POU5F1: variants seen among roughly 807,000 people sequenced by gnomAD.
POU5F1 encodes POU domain, class 5, transcription factor 1.
POU5F1 carries 6 observed loss-of-function variants against 38.3 expected under a neutral mutation model. The observed-to-expected ratio is 0.16, with a 90% CI of 0.09 to 0.31. POU5F1 has a LOEUF of 0.31. Ranked by LOEUF, POU5F1 falls within the 10% of genes least tolerant of loss-of-function variation. The probability of loss-of-function intolerance (pLI) is 1.00; values close to 1 mark genes in which losing one functional copy is unlikely to be tolerated. For synonymous variants in POU5F1, 147 were observed against 194.9 expected (o/e 0.75, Z 2.05); for missense variants, 286 against 462.6 (o/e 0.62, Z 3.50).
Position 31,170,296 on chromosome 6 carries a change from C to T in POU5F1, c.325G>A (p.Gly109Arg), listed in dbSNP as rs1290282697. The T allele has an allele frequency of 6.2e-7, 1 of 1,612,832 alleles. No individual in the cohort carries two copies. Among genetic ancestry groups the T allele is most frequent in the South Asian group, 1.1e-5 (1 of 91,070 alleles). ...AGVGVESNSD[G>R]ASPEPCTVTP... ...ACGGTGCAGGGCTCCGGGGAGGCCCCATCGGAGTTGCTCTCCACCCCGACT... is the reference window on the plus strand; with the variant it reads ...ACGGTGCAGGGCTCCGGGGAGGCCCTATCGGAGTTGCTCTCCACCCCGACT... The change falls in exon 1 of 5, where the codon GGG becomes AGG. Residue 109 changes from glycine (G) to arginine (R), a missense_variant. By Grantham distance (125) the Gly-to-Arg change is moderately radical (BLOSUM62 -2). This residue lies in a region of POU5F1 where 176 missense variants were observed against 184.8 expected (regional missense o/e 0.95). Transcript: ENST00000259915.
In POU5F1 at chr6:31,170,489, C is replaced by G; in HGVS notation, c.132G>C (p.Gly44=). ...GCCCAACCCCCGGCCCGATTCCTGG[C>G]CCTCCAGGAGGGCCTTGGAAGCTTA... The part of the protein sequence containing the change: ...TWLSFQGPPG[G]PGIGPGVGPG... The change falls in exon 1 of 5, where the codon GGG becomes GGC. Residue 44 remains glycine, a synonymous_variant. Transcript: ENST00000259915. 1 of 1,601,140 alleles carries G rather than the reference C, an allele frequency of 6.2e-7. No homozygotes were observed. Among genetic ancestry groups the G allele is most frequent in the South Asian group, 1.1e-5 (1 of 89,598 alleles).
At chr6:31,166,814 T>C (rs11965454) in intron 1 of POU5F1, 46,679 of 1,187,126 alleles carry the variant, frequency 0.039, 1,760 homozygotes, top group East Asian at 0.18. Context: ...TCTCAGAAGC[T>C]AAATTCAGTA....
At position 31,164,812 on chromosome 6, in the gene POU5F1, T is replaced by C; in HGVS notation, c.872A>G (p.Asp291Gly). ...CTCAAAATCCTCTCGTTGTGCATAGTCGCTGCTTGATCGCTTGCCCTTCTG... is the reference window on the plus strand; with the variant it reads ...CTCAAAATCCTCTCGTTGTGCATAGCCGCTGCTTGATCGCTTGCCCTTCTG... ...RRQKGKRSSS[D>G]YAQREDFEAA... Residue 291 changes from aspartate (D) to glycine (G), a missense_variant, in exon 5 of 5, where the codon GAC (aspartate) becomes GGC (glycine). This residue lies in a region of POU5F1 where 110 missense variants were observed against 277.8 expected (regional missense o/e 0.40). Transcript: ENST00000259915. 6.2e-7 allele frequency: 1 copy of C among 1,612,860 alleles called. No individual in the cohort carries two copies. Among genetic ancestry groups the C allele is most frequent in the Non-Finnish European group, 8.5e-7 (1 of 1,179,542 alleles).
chr6:31,169,303 C>T (rs1346570184), intron 1 of POU5F1, among the ~76,000 whole-genome samples: 2 of 152,146 alleles, frequency 1.3e-5, no homozygotes, highest in East Asian at 1.9e-4. Context: ...TGGGGCTTCT[C>T]GGTCACTCCA....
chr6:31,165,192 T>C lies in POU5F1; in HGVS notation c.752A>G (p.Gln251Arg). ...CTGCTGCAGTGTGGGTTTCGGGCAC[T>C]GCAGGAACAAATTCTCCAGGTTGCC... is the stretch of plus-strand genomic sequence containing the variant. ...VRGNLENLFL[Q>R]CPKPTLQQIS... The change falls in exon 4 of 5, where the codon CAG becomes CGG. Residue 251 changes from glutamine to arginine, a missense_variant. Gln to Arg is a conservative substitution (Grantham distance 43). Around this residue, in one of 2 missense-constraint regions of POU5F1, gnomAD observed 110 missense variants for 277.8 expected, o/e 0.40. Coordinates refer to ENST00000259915, the MANE Select transcript of POU5F1 (RefSeq NM_002701.6). The surrounding 1 kb of genome is among the most constrained non-coding windows in gnomAD (Gnocchi z 6.5). The C allele has an allele frequency of 6.2e-7, 1 of 1,609,834 alleles. No individual in the cohort carries two copies. Among genetic ancestry groups the C allele is most frequent in the South Asian group, 1.1e-5 (1 of 90,402 alleles).
intron 1 of POU5F1, chr6:31,166,606 C>G: frequency 1.8e-6 from 2 of 1,086,372 alleles, no homozygotes; most frequent in South Asian, 3.4e-5. Context: ...TTGCAGTGAG[C>G]TGAGATCACG....
chr6:31,167,859 C>A (rs1203458531), intron 1 of POU5F1, among the ~76,000 whole-genome samples: 3 of 152,162 alleles, frequency 2.0e-5, no homozygotes, highest in African/African-American at 7.2e-5. Context: ...GTGGGCCTTC[C>A]AGAGCCCAAA....
In POU5F1 at chr6:31,165,944, G is replaced by C. The variant is rs910240285; in HGVS notation, c.509C>G (p.Thr170Ser). ...LGYTQADVGL[T>S]LGVLFGKVFS... Reference sequence around the variant, plus strand: ...GAACCCACCAAATAGAACCCCCAGGGTGAGCCCCACATCGGCCTGTGTATA... The same window carrying C: ...GAACCCACCAAATAGAACCCCCAGGCTGAGCCCCACATCGGCCTGTGTATA... Residue 170 changes from threonine to serine, a missense_variant, in exon 2 of 5, where the codon ACC (threonine) becomes AGC (serine). This residue lies in a region of POU5F1 where 110 missense variants were observed against 277.8 expected (regional missense o/e 0.40). Coordinates refer to ENST00000259915, the MANE Select transcript of POU5F1 (RefSeq NM_002701.6). The surrounding 1 kb of genome is among the most constrained non-coding windows in gnomAD (Gnocchi z 6.5). The C allele has an allele frequency of 9.9e-6, 16 of 1,614,098 alleles. No homozygotes were observed. The highest frequency in any genetic ancestry group is 1.4e-5 in the Non-Finnish European group (16 of 1,180,016).
chr6:31,170,461 C>G lies in POU5F1; in HGVS notation c.160G>C (p.Gly54Arg). 1 of 1,608,672 alleles carries G rather than the reference C, an allele frequency of 6.2e-7. No individual in the cohort carries two copies. Among genetic ancestry groups the G allele is most frequent in the Non-Finnish European group, 8.5e-7 (1 of 1,178,322 alleles). ...GPGIGPGVGPGSEVWGIPPCP... is the reference protein window; with the variant it reads ...GPGIGPGVGPRSEVWGIPPCP... The stretch of plus-strand genomic sequence containing the variant: ...GGGGGAATCCCCCACACCTCAGAGC[C>G]TGGCCCAACCCCCGGCCCGATTCCT... The change falls in exon 1 of 5, where the codon GGC (glycine) becomes CGC (arginine). Residue 54 changes from glycine to arginine, a missense_variant. Physicochemically the swap from Gly to Arg is moderately radical, Grantham distance 125. Around this residue, in one of 2 missense-constraint regions of POU5F1, gnomAD observed 176 missense variants for 184.8 expected, o/e 0.95. Coordinates refer to ENST00000259915, the MANE Select transcript of POU5F1 (RefSeq NM_002701.6).
chr6:31,165,864 C>T lies in POU5F1; in HGVS notation c.526+63G>A. 11 of 1,605,990 alleles carry T rather than the reference C, an allele frequency of 6.8e-6. No homozygotes were observed. Among genetic ancestry groups the T allele is most frequent in the Non-Finnish European group, 9.4e-6 (11 of 1,174,768 alleles). ...AGGGTAGTCTGCCCCTGCCCCTCCC[C>T]ACTAGGTTCAGGGATACTCCTTAGA... On this transcript the variant is annotated intron_variant, in intron 2 of 4. Coordinates refer to ENST00000259915, the MANE Select transcript of POU5F1 (RefSeq NM_002701.6). The surrounding 1 kb of genome is among the most constrained non-coding windows in gnomAD (Gnocchi z 6.5).
At chr6:31,169,854 A>G (rs1352648948) in intron 1 of POU5F1, 2 of 384,742 alleles carry the variant, frequency 5.2e-6, no homozygotes, top group African/African-American at 4.0e-5. Flanking sequence ...ACCAACCCCA[A>G]GCTGGGTCTG....
chr6:31,164,572 T>C lies in POU5F1; in HGVS notation c.*29A>G, dbSNP rs772503540. 3.2e-6 allele frequency: 5 copies of C among 1,585,042 alleles called. No individual in the cohort carries two copies. The highest frequency in any genetic ancestry group is 1.9e-4 in the Middle Eastern group (1 of 5,170). On this transcript the variant is annotated 3_prime_UTR_variant, in exon 5 of 5. Coordinates refer to ENST00000259915, the MANE Select transcript of POU5F1 (RefSeq NM_002701.6). ...CTTTCCCTAGCTCCTCCCCTCCCCC[T>C]GTCCCCCATTCCTAGAAGGGCAGGC...
chr6:31,170,436 G>C lies in POU5F1; in HGVS notation c.185C>G (p.Pro62Arg), dbSNP rs1426955001. The C allele has an allele frequency of 6.2e-7, 1 of 1,611,222 alleles. No homozygotes were observed. Among genetic ancestry groups the C allele is most frequent in the East Asian group, 2.2e-5 (1 of 44,788 alleles). Residue 62 changes from proline to arginine, a missense_variant, in exon 1 of 5, where the codon CCA (proline) becomes CGA (arginine). By Grantham distance (103) the Pro-to-Arg change is moderately radical. Around this residue, in one of 2 missense-constraint regions of POU5F1, gnomAD observed 176 missense variants for 184.8 expected, o/e 0.95. Transcript: ENST00000259915. ...ACAGAACTCATACGGCGGGGGGCATGGGGGAATCCCCCACACCTCAGAGCC... is the reference window on the plus strand; with the variant it reads ...ACAGAACTCATACGGCGGGGGGCATCGGGGAATCCCCCACACCTCAGAGCC... ...GPGSEVWGIP[P>R]CPPPYEFCGG... is the part of the protein sequence containing the mutation.
rs973063617 is a variant in POU5F1, at chr6:31,166,563, G to A, written c.406-516C>T. 25 of 974,550 alleles carry A rather than the reference G, an allele frequency of 2.6e-5. No individual in the cohort carries two copies. The East Asian group carries it at 9.2e-4, about 36-fold the overall frequency. 60.4% of individuals were successfully genotyped at this position (974,550 alleles called of 1,614,324 possible). On this transcript the variant is annotated intron_variant, in intron 1 of 4. Transcript: ENST00000259915. ...AATCCCAGCTACTCAGGAGGCTGAG[G>A]CAGGAGAATCACTTGAACCCGGGAG...
chr6:31,168,224 G>A lies in POU5F1; in HGVS notation c.405+1992C>T, dbSNP rs141655626. Among the ~76,000 whole-genome samples, 104 of 145,394 alleles carry A rather than the reference G, an allele frequency of 7.2e-4. 2 individuals carry two copies. In the East Asian group the frequency reaches 0.013, roughly 18 times the overall value. ...GCTGGGATTACAGGTGTGAACCACC[G>A]CACCTAGCCTCACCTTTTTTTTTTT... On this transcript the variant is annotated intron_variant, in intron 1 of 4. Transcript: ENST00000259915.
rs147880142 is a variant in POU5F1, at chr6:31,169,201, T to C, written c.405+1015A>G. Among the ~76,000 whole-genome samples the C allele has an allele frequency of 1.1e-3, 174 of 152,258 alleles. 1 individual carries two copies. The highest frequency in any genetic ancestry group is 4.0e-3 in the African/African-American group (167 of 41,548). ...TGCTGGTTAATGAGATAATGATGTATAAACGGAGCACACAGCCAGGCACTT... is the reference window on the plus strand; with the variant it reads ...TGCTGGTTAATGAGATAATGATGTACAAACGGAGCACACAGCCAGGCACTT... On this transcript the variant is annotated intron_variant, in intron 1 of 4. Transcript: ENST00000259915.
chr6:31,170,103 G>C, intron 1 of POU5F1, 113 bp downstream of exon 1: 3 of 1,564,320 alleles, frequency 1.9e-6, no homozygotes, highest in South Asian at 1.1e-5. Flanking sequence ...AGCTGACCCT[G>C]CCTGCTCCTC....
chr6:31,165,533 A>G lies in POU5F1; in HGVS notation c.657+38T>C. 6.2e-7 allele frequency: 1 copy of G among 1,612,162 alleles called. No individual in the cohort carries two copies. The highest frequency in any genetic ancestry group is 8.5e-7 in the Non-Finnish European group (1 of 1,179,838). ...TGGAAGCAATGGAAATTAGGCCAAG[A>G]AAGGGAAGGTCCCCGGGTATCCCCC... On this transcript the variant is annotated intron_variant, in intron 3 of 4. Transcript: ENST00000259915. This position sits in a 1 kb window ranked among gnomAD's most constrained non-coding sequence, Gnocchi z 6.5.
In POU5F1 at chr6:31,164,691, A is replaced by G. The variant is rs997814201; in HGVS notation, c.993T>C (p.Thr331=). ...GTPGYGSPHF[T]ALYSSVPFPE... is the part of the protein sequence containing the mutation. ...GGAAAGGGACCGAGGAGTACAGTGC[A>G]GTGAAGTGAGGGCTCCCATAGCCTG... The change falls in exon 5 of 5, where the codon ACT becomes ACC. Residue 331 remains threonine (T), a synonymous_variant. Coordinates refer to ENST00000259915, the MANE Select transcript of POU5F1 (RefSeq NM_002701.6). 7.5e-6 allele frequency: 12 copies of G among 1,590,708 alleles called. No individual in the cohort carries two copies. Among genetic ancestry groups the G allele is most frequent in the Non-Finnish European group, 1.0e-5 (12 of 1,168,918 alleles).
Sources: allele counts gnomAD v4.1 joint callset (sites outside exome capture counted in the v4.1 genomes callset), GRCh38; gene constraint gnomAD v4.1.1; regional missense constraint gnomAD v4.1.1; non-coding constraint Gnocchi (gnomAD v3.1); transcripts MANE v1.5; gene names NCBI Gene and HGNC (gene_info 2026-07-23, HGNC 2026-07-21).